The following ACBD3 variants were observed in gnomAD, a reference collection of about 807,000 sequenced individuals.
ACBD3 encodes acyl-CoA binding domain containing 3, also known as Golgi resident protein GCP60.
Under a neutral mutation model 66.9 loss-of-function variants are expected in ACBD3, and 30 were observed. The ratio of observed to expected loss-of-function variants is 0.45; its 90% CI spans 0.34 to 0.61. The LOEUF is 0.61. Among genes scored for constraint, ACBD3 ranks in the 20% least tolerant of loss-of-function variants. The probability of loss-of-function intolerance (pLI) is 0.02; values close to 1 mark genes in which losing one functional copy is unlikely to be tolerated. For synonymous variants in ACBD3, 278 were observed against 259.8 expected (o/e 1.07, Z -0.68); for missense variants, 544 against 664.5 (o/e 0.82, Z 1.99).
In ACBD3 at chr1:226,154,721, T is replaced by C. The variant is rs563872367; in HGVS notation, c.1016A>G (p.Lys339Arg). 5 of 1,613,984 alleles carry C rather than the reference T, an allele frequency of 3.1e-6. No homozygotes were observed. Among genetic ancestry groups the C allele is most frequent in the African/African-American group, 2.7e-5 (2 of 75,038 alleles). The part of the protein sequence containing the change: ...SNMMSVNGQA[K>R]THTDSSEKEL... ...TTTTTCGGAGCTGTCAGTGTGTGTT[T>C]TGGCCTGTCCATTAACTGACATCAT... The change falls in exon 6 of 8, where the codon AAA (lysine) becomes AGA (arginine). Residue 339 changes from lysine (K) to arginine (R), a missense_variant. Physicochemically the swap from Lys to Arg is conservative, Grantham distance 26 (BLOSUM62 2). Around this residue, in one of 3 missense-constraint regions of ACBD3, gnomAD observed 383 missense variants for 462.4 expected, o/e 0.83. Coordinates refer to ENST00000366812, the MANE Select transcript of ACBD3 (RefSeq NM_022735.4).
Position 226,186,519 on chromosome 1 carries a change from C to A in ACBD3, c.157G>T (p.Ala53Ser), listed in dbSNP as rs1335988241. The A allele has an allele frequency of 3.6e-6, 5 of 1,401,046 alleles. No individual in the cohort carries two copies. The highest frequency in any genetic ancestry group is 4.6e-6 in the Non-Finnish European group (5 of 1,083,608). 86.8% of individuals were successfully genotyped at this position (1,401,046 alleles called of 1,614,324 possible). Reference sequence around the variant, plus strand: ...CCGGGCTCGGGCTGCTCCCCTGAGGCGCCCGGGCCGCGACCGGATCCAGGT... The same window carrying A: ...CCGGGCTCGGGCTGCTCCCCTGAGGAGCCCGGGCCGCGACCGGATCCAGGT... ...SPPGSGRGPG[A>S]SGEQPEPGEA... Residue 53 changes from alanine to serine, a missense_variant, in exon 1 of 8, where the codon GCC becomes TCC. This residue lies in a region of ACBD3 where 137 missense variants were observed against 145.9 expected (regional missense o/e 0.94). Transcript: ENST00000366812.
At chr1:226,173,910 G>A (rs1476292982) in intron 1 of ACBD3, among the ~76,000 whole-genome samples, 2 of 151,514 alleles carry the variant, frequency 1.3e-5, no homozygotes, top group Non-Finnish European at 2.9e-5. Context: ...ACAGAAGTGT[G>A]CACTACCACA....
rs1478857321 is a variant in ACBD3 at position 226,157,262 on chromosome 1, G to A, written c.903+1922C>T. 5.2e-5 allele frequency among the ~76,000 whole-genome samples: 7 copies of A among 133,374 alleles called. No individual in the cohort carries two copies. In the South Asian group the frequency reaches 7.0e-4, roughly 13 times the overall value. The allele number at this position is 133,374 out of a possible 152,430, so 87.5% of individuals were successfully genotyped here. On this transcript the variant is annotated intron_variant, in intron 5 of 7. Transcript: ENST00000366812. ...TATGGATTTTTTTTTTTTTTGAGAC[G>A]GAGTTTCTCTTTTGTTGCCCAGGCT...
intron 1 of ACBD3, among the ~76,000 whole-genome samples, chr1:226,177,436 T>C (rs2927353): frequency 6.6e-6 from 1 of 150,704 alleles, no homozygotes; most frequent in Non-Finnish European, 1.5e-5. Context: ...AACTCGTAGA[T>C]CCGCCTGCCT....
chr1:226,175,091 CAAAAAAAAAA>C (rs35201518), intron 1 of ACBD3, among the ~76,000 whole-genome samples: 7 of 75,988 alleles, frequency 9.2e-5, no homozygotes, highest in Middle Eastern at 6.5e-3. Flanking sequence ...GACTCCATCT[CAAAAAAAAAA>C]AAAAAAAAAA....
chr1:226,170,718 C>T (rs1659978246), intron 1 of ACBD3, among the ~76,000 whole-genome samples: 1 of 152,132 alleles, frequency 6.6e-6, no homozygotes, highest in African/African-American at 2.4e-5. Flanking sequence ...ATAAAGTTAT[C>T]TGTAAAATAC....
intron 1 of ACBD3, among the ~76,000 whole-genome samples, chr1:226,182,227 TAA>T (rs576452132): frequency 7.1e-6 from 1 of 141,154 alleles, no homozygotes. Flanking sequence ...CCAGACTGTC[TAA>T]AAAAAAAAAA....
intron 1 of ACBD3, among the ~76,000 whole-genome samples, chr1:226,178,239 T>G (rs1359206206): frequency 6.6e-6 from 1 of 151,916 alleles, no homozygotes; most frequent in Non-Finnish European, 1.5e-5. Context: ...TCTGAAAGAT[T>G]ACAATTAAGT....
intron 1 of ACBD3, among the ~76,000 whole-genome samples, chr1:226,185,741 T>C (rs9988629): frequency 0.16 from 23,997 of 152,172 alleles, 1,982 homozygotes; most frequent in East Asian, 0.22. Flanking sequence ...CTCTTGCACA[T>C]TGCTTACAAT....
chr1:226,146,579 A>T lies in ACBD3; in HGVS notation c.*31T>A, dbSNP rs1341763016. On this transcript the variant is annotated 3_prime_UTR_variant, in exon 8 of 8. Coordinates refer to ENST00000366812, the MANE Select transcript of ACBD3 (RefSeq NM_022735.4). ...CAAATTAAATGTCATCTTCTGCCCA[A>T]CCCTAGACTCCAGACTTTGTAACAA... 3 of 1,587,214 alleles carry T rather than the reference A, an allele frequency of 1.9e-6. No individual in the cohort carries two copies. In the Admixed American group the frequency reaches 5.0e-5, roughly 27 times the overall value.
At chr1:226,161,732 T>C in intron 3 of ACBD3, 43 bp from the exon 4 acceptor site, 1 of 1,506,096 alleles carries the variant, frequency 6.6e-7, no homozygotes, top group Non-Finnish European at 8.8e-7. Flanking sequence ...CGTTGAATCC[T>C]GTTTAAAAAT....
intron 4 of ACBD3, among the ~76,000 whole-genome samples, chr1:226,160,243 T>A (rs966139645): frequency 1.1e-4 from 17 of 151,932 alleles, no homozygotes; most frequent in African/African-American, 4.1e-4. Flanking sequence ...AGGCACCTGC[T>A]ACCACGCCTG....
At chr1:226,169,848 C>A (rs992944454) in intron 1 of ACBD3, among the ~76,000 whole-genome samples, 1 of 151,326 alleles carries the variant, frequency 6.6e-6, no homozygotes, top group African/African-American at 2.4e-5. Flanking sequence ...ATGGCAAAAC[C>A]CTCTCTCTAC....
chr1:226,186,598 C>A lies in ACBD3; in HGVS notation c.78G>T (p.Arg26=). Residue 26 remains arginine, a synonymous_variant, in exon 1 of 8, where the codon CGG becomes CGT. Coordinates refer to ENST00000366812, the MANE Select transcript of ACBD3 (RefSeq NM_022735.4). ...GCAGCGGGGCGCCCTCCGCCCCAGG[C>A]CGCTCCTCCGGGTCCGGGCTGAGCG... The part of the protein sequence containing the change: ...GLTLSPDPEE[R]PGAEGAPLLP... 2.8e-6 allele frequency: 4 copies of A among 1,433,952 alleles called. No homozygotes were observed. Among genetic ancestry groups the A allele is most frequent in the South Asian group, 1.4e-5 (1 of 70,372 alleles). 88.8% of individuals were successfully genotyped at this position (1,433,952 alleles called of 1,614,324 possible). A position where few individuals can be genotyped will look rare whatever the true frequency, so the allele number is the denominator to read the frequency against.
chr1:226,157,553 T>C (rs898105009), intron 5 of ACBD3, among the ~76,000 whole-genome samples: 29 of 152,116 alleles, frequency 1.9e-4, no homozygotes, highest in East Asian at 1.4e-3. Context: ...GCTTTTTTTT[T>C]CCTCGAGACA....
At position 226,169,676 on chromosome 1, in the gene ACBD3, C is replaced by T. The variant is rs568162097; in HGVS notation, c.287-3676G>A. Among the ~76,000 whole-genome samples the T allele has an allele frequency of 1.4e-4, 20 of 140,394 alleles. No homozygotes were observed. In the South Asian group the frequency reaches 4.2e-3, roughly 30 times the overall value. The allele number at this position is 140,394 out of a possible 152,430, so 92.1% of individuals were successfully genotyped here. A position where few individuals can be genotyped will look rare whatever the true frequency, so the allele number is the denominator to read the frequency against. ...CGGCCTGCCTCGGCCTCCCAAAGTG[C>T]TAGCATTACAGGCGTGAGCCGAGTT... On this transcript the variant is annotated intron_variant, in intron 1 of 7. Coordinates refer to ENST00000366812, the MANE Select transcript of ACBD3 (RefSeq NM_022735.4).
intron 1 of ACBD3, among the ~76,000 whole-genome samples, chr1:226,168,644 TA>T (rs1191504250): frequency 1.3e-5 from 2 of 152,226 alleles, no homozygotes; most frequent in African/African-American, 4.8e-5. Flanking sequence ...GTAGCCACCA[TA>T]ACATGATGCA....
At chr1:226,147,274 G>GTTCA (rs199600645) in intron 7 of ACBD3, among the ~76,000 whole-genome samples, 1,580 of 152,214 alleles carry the variant, frequency 0.01, 29 homozygotes, top group African/African-American at 0.036. Flanking sequence ...TTATTAGTTC[G>GTTCA]TTCATTCATT....
chr1:226,169,450 T>G (rs568245225), intron 1 of ACBD3, among the ~76,000 whole-genome samples: 1 of 151,588 alleles, frequency 6.6e-6, no homozygotes, highest in Non-Finnish European at 1.5e-5. Context: ...GGGGTTTCAC[T>G]GTGTTAGCCA....
Sources: gnomAD v4.1 joint callset for allele counts (sites outside exome capture counted in the v4.1 genomes callset) on GRCh38, gnomAD v4.1.1 for gene constraint, gnomAD v4.1.1 regional missense constraint, MANE v1.5 for transcripts, NCBI Gene and HGNC (gene_info 2026-07-23, HGNC 2026-07-21) for gene names.